Variants in ADGRL2 observed in about 807,000 individuals in gnomAD.
ADGRL2 encodes calcium-independent alpha-latrotoxin receptor 2.
In ADGRL2, 44 loss-of-function variants were observed where a neutral mutation model predicts 157.4. The ratio of observed to expected loss-of-function variants is 0.28; its 90% CI spans 0.22 to 0.36. ADGRL2 has a LOEUF of 0.36. ADGRL2 is among the 10% of genes least tolerant of loss of function. The probability of loss-of-function intolerance (pLI) is 1.00; values close to 1 mark genes in which losing one functional copy is unlikely to be tolerated. For missense variants in ADGRL2, 1,510 were observed against 1,768.9 expected (o/e 0.85, Z 2.63); for synonymous variants, 585 against 624.7 (o/e 0.94, Z 0.95).
At chr1:81,511,279 A>G (rs746100337) in intron 2 of ADGRL2, among the ~76,000 whole-genome samples, 4 of 150,626 alleles carry the variant, frequency 2.7e-5, no homozygotes, top group African/African-American at 9.8e-5. Context: ...AGTGGCAAGC[A>G]CCTGTAGTCC....
At chr1:81,526,283 A>G (rs1457250466) in intron 2 of ADGRL2, among the ~76,000 whole-genome samples, 5 of 152,204 alleles carry the variant, frequency 3.3e-5, no homozygotes, top group Non-Finnish European at 7.3e-5. Context: ...TCTAGTGAGA[A>G]TGGTCTAGGA....
At chr1:81,649,403 C>A (rs934170539) in intron 3 of ADGRL2, among the ~76,000 whole-genome samples, 1 of 152,164 alleles carries the variant, frequency 6.6e-6, no homozygotes, top group African/African-American at 2.4e-5. Context: ...TTTAAAAGGT[C>A]TGTTATCTTA....
At chr1:81,870,033 A>G (rs1438269365) in intron 2 of ADGRL2, among the ~76,000 whole-genome samples, 5 of 138,026 alleles carry the variant, frequency 3.6e-5, no homozygotes, top group Non-Finnish European at 8.4e-5. Flanking sequence ...TAACAAAATA[A>G]CACTTAAAGA....
chr1:81,657,230 A>C (rs2082554745), intron 3 of ADGRL2, among the ~76,000 whole-genome samples: 1 of 152,092 alleles, frequency 6.6e-6, no homozygotes, highest in Non-Finnish European at 1.5e-5. Context: ...TAAGTCATAA[A>C]AGGGGAGACC....
At chr1:81,326,743 G>A (rs1040002067) in intron 1 of ADGRL2, among the ~76,000 whole-genome samples, 1 of 152,144 alleles carries the variant, frequency 6.6e-6, no homozygotes, top group Admixed American at 6.5e-5. Flanking sequence ...AATCCAGACA[G>A]TTATATCTTC....
chr1:81,834,662 T>C (rs1464002773), intron 1 of ADGRL2, among the ~76,000 whole-genome samples: 1 of 152,170 alleles, frequency 6.6e-6, no homozygotes. Context: ...TAAAAGCGAT[T>C]GGGCACAGGT....
intron 2 of ADGRL2, among the ~76,000 whole-genome samples, chr1:81,840,105 T>C (rs1184305833): frequency 6.6e-6 from 1 of 151,720 alleles, no homozygotes; most frequent in Non-Finnish European, 1.5e-5. Context: ...TGTGCAGGGA[T>C]TGAAACCTTA....
At chr1:81,949,396 A>G (rs1651003845) in intron 6 of ADGRL2, among the ~76,000 whole-genome samples, 1 of 152,308 alleles carries the variant, frequency 6.6e-6, no homozygotes, top group East Asian at 1.9e-4. Context: ...AATAATGAAA[A>G]CATTTTTGCT....
chr1:81,782,824 G>C (rs1273805092), intron 2 of ADGRL2, among the ~76,000 whole-genome samples: 2 of 152,200 alleles, frequency 1.3e-5, no homozygotes, highest in African/African-American at 2.4e-5. Context: ...GGAAAGCAGA[G>C]CTTAGAAGGA....
At chr1:81,396,907 G>A (rs1309337821) in intron 1 of ADGRL2, among the ~76,000 whole-genome samples, 3 of 152,128 alleles carry the variant, frequency 2.0e-5, no homozygotes, top group Admixed American at 6.6e-5. Context: ...TTGCATATAT[G>A]TCTATCAGGG....
At chr1:81,351,179 G>A (rs1170533282) in intron 1 of ADGRL2, among the ~76,000 whole-genome samples, 1 of 151,592 alleles carries the variant, frequency 6.6e-6, no homozygotes, top group Admixed American at 6.6e-5. Flanking sequence ...CAGGAGCCTG[G>A]AACTTATACA....
At chr1:81,396,907 G>T (rs1309337821) in intron 1 of ADGRL2, among the ~76,000 whole-genome samples, 1 of 152,128 alleles carries the variant, frequency 6.6e-6, no homozygotes, top group East Asian at 1.9e-4. Context: ...TTGCATATAT[G>T]TCTATCAGGG....
intron 1 of ADGRL2, among the ~76,000 whole-genome samples, chr1:81,377,676 G>A (rs2076273523): frequency 6.6e-6 from 1 of 152,098 alleles, no homozygotes. Context: ...GTGACATGTT[G>A]TGATTGGATG....
chr1:81,473,636 G>T (rs74094013), intron 2 of ADGRL2, among the ~76,000 whole-genome samples: 2 of 152,054 alleles, frequency 1.3e-5, no homozygotes, highest in Admixed American at 6.5e-5. Context: ...ATAGCAAAAT[G>T]GTGCTTTAAC....
chr1:81,801,572 C>T (rs12027272), intron 1 of ADGRL2, among the ~76,000 whole-genome samples: 26,944 of 152,216 alleles, frequency 0.18, 3,549 homozygotes, highest in East Asian at 0.65. Flanking sequence ...CCGGCTACTC[C>T]TTGCTTCCCC....
intron 2 of ADGRL2, chr1:81,557,512 A>AGAAT (rs2080332610): frequency 7.2e-6 from 1 of 138,502 alleles, no homozygotes; most frequent in Non-Finnish European, 1.6e-5. Context: ...AAAGAAAGAA[A>AGAAT]GAAAGAAAGA....
At chr1:81,395,150 A>G (rs896700875) in intron 1 of ADGRL2, among the ~76,000 whole-genome samples, 2 of 152,056 alleles carry the variant, frequency 1.3e-5, no homozygotes, top group African/African-American at 4.8e-5. Flanking sequence ...GCCTCAAGTG[A>G]TCCACCCGCT....
chr1:81,820,519 G>A (rs369618864), intron 1 of ADGRL2, among the ~76,000 whole-genome samples: 1 of 151,732 alleles, frequency 6.6e-6, no homozygotes, highest in African/African-American at 2.4e-5. Flanking sequence ...TTTGGTATCC[G>A]TTTTCACTCT....
intron 3 of ADGRL2, among the ~76,000 whole-genome samples, chr1:81,918,336 T>C (rs2094906218): frequency 6.6e-6 from 1 of 152,136 alleles, no homozygotes; most frequent in Admixed American, 6.6e-5. Context: ...GAGATAATGT[T>C]TGTAGTGTAT....
Sources: allele counts gnomAD v4.1 joint callset (sites outside exome capture counted in the v4.1 genomes callset), GRCh38; gene constraint gnomAD v4.1.1; transcripts MANE v1.5; gene names NCBI Gene and HGNC (gene_info 2026-07-23, HGNC 2026-07-21).